SUPT3H: variants seen among roughly 807,000 people sequenced by gnomAD.
SUPT3H encodes transcription initiation protein SPT3 homolog.
Under a neutral mutation model 44.3 loss-of-function variants are expected in SUPT3H, and 44 were observed. The observed-to-expected ratio is 0.99, with a 90% confidence interval of 0.78 to 1.28. The LOEUF (loss-of-function observed/expected upper bound fraction) is 1.28, where lower values mean the gene tolerates loss of function less well. Ranked by LOEUF, SUPT3H falls within the 50% of genes most tolerant of loss-of-function variation. SUPT3H has a pLI of 0.00. For synonymous variants in SUPT3H, 124 were observed against 125.6 expected (o/e 0.99, Z 0.09); for missense variants, 380 against 387.1 (o/e 0.98, Z 0.15).
At chr6:44,819,491 T>TG (rs895203175) in intron 11 of SUPT3H, among the ~76,000 whole-genome samples, 50 of 147,326 alleles carry the variant, frequency 3.4e-4, no homozygotes, top group African/African-American at 1.2e-3. Context: ...TAAGCATTTT[T>TG]TTTTTTTTAA....
intron 2 of SUPT3H, among the ~76,000 whole-genome samples, chr6:45,288,825 GAAAA>G (rs1205262543): frequency 6.6e-6 from 1 of 151,662 alleles, no homozygotes; most frequent in Non-Finnish European, 1.5e-5. Context: ...TTAAAAGAAA[GAAAA>G]AGAGAGAACT....
intron 2 of SUPT3H, among the ~76,000 whole-genome samples, chr6:45,285,609 G>A (rs1405534888): frequency 6.6e-6 from 1 of 152,028 alleles, no homozygotes; most frequent in Non-Finnish European, 1.5e-5. Flanking sequence ...CAAACAAATG[G>A]AAGAACATTC....
chr6:44,930,092 A>G (rs1283618700), intron 10 of SUPT3H, among the ~76,000 whole-genome samples: 1 of 151,986 alleles, frequency 6.6e-6, no homozygotes, highest in Admixed American at 6.6e-5. Context: ...AAATTACAAA[A>G]ATTAGGCTGG....
rs549619387 is a variant in SUPT3H, at chr6:45,176,229, G to C, written c.102-70223C>G. Among the ~76,000 whole-genome samples the C allele has an allele frequency of 5.0e-4, 76 of 151,928 alleles. No homozygotes were observed. In the South Asian group the frequency reaches 5.2e-3, roughly 10 times the overall value. On this transcript the variant is annotated intron_variant, in intron 2 of 10. Transcript: ENST00000371459. ...GTCAGTGGGTGCGCGCACCGTGCGC[G>C]AGCCGAAGCAGGGCGAGGCATTGCC...
At chr6:44,928,232 A>T (rs1769844708) in intron 10 of SUPT3H, among the ~76,000 whole-genome samples, 1 of 152,172 alleles carries the variant, frequency 6.6e-6, no homozygotes, top group South Asian at 2.1e-4. Context: ...ATAAAAATGC[A>T]ATATAAGATG....
At chr6:45,348,826 C>T (rs1449425822) in intron 2 of SUPT3H, among the ~76,000 whole-genome samples, 3 of 152,232 alleles carry the variant, frequency 2.0e-5, no homozygotes, top group East Asian at 3.9e-4. Context: ...AAATTCCTAT[C>T]GATCCTTCAT....
chr6:45,122,163 C>G (rs574052905), intron 2 of SUPT3H, among the ~76,000 whole-genome samples: 1 of 152,140 alleles, frequency 6.6e-6, no homozygotes, highest in South Asian at 2.1e-4. Flanking sequence ...ACCTTTATTA[C>G]GCTGTAAAAT....
intron 11 of SUPT3H, among the ~76,000 whole-genome samples, chr6:44,810,601 T>A (rs1428866639): frequency 3.4e-5 from 5 of 145,416 alleles, no homozygotes; most frequent in African/African-American, 5.1e-5. Context: ...AGCCTTTTAC[T>A]AAAAAAAAAA....
chr6:45,345,359 C>T (rs1056835654), intron 2 of SUPT3H, among the ~76,000 whole-genome samples: 14 of 152,276 alleles, frequency 9.2e-5, no homozygotes, highest in Admixed American at 7.9e-4. Flanking sequence ...TGCATCTCTG[C>T]AGACTTTTAC....
intron 2 of SUPT3H, among the ~76,000 whole-genome samples, chr6:45,202,273 ACCT>A (rs1762557283): frequency 1.3e-5 from 2 of 152,008 alleles, no homozygotes; most frequent in South Asian, 4.1e-4. Flanking sequence ...TAATGATGAT[ACCT>A]TCCTTGGAAC....
chr6:44,939,672 C>A (rs1772085239), intron 9 of SUPT3H, among the ~76,000 whole-genome samples: 1 of 152,104 alleles, frequency 6.6e-6, no homozygotes, highest in Admixed American at 6.6e-5. Flanking sequence ...GGCTGTGAAT[C>A]CATCTGGTCC....
chr6:44,962,062 T>C (rs1453039947), intron 6 of SUPT3H, among the ~76,000 whole-genome samples: 2 of 152,160 alleles, frequency 1.3e-5, no homozygotes, highest in African/African-American at 2.4e-5. Flanking sequence ...TTATTGAAAC[T>C]AAAACTAAAG....
At chr6:45,075,817 AAGT>A (rs1794937539) in intron 3 of SUPT3H, among the ~76,000 whole-genome samples, 2 of 152,010 alleles carry the variant, frequency 1.3e-5, no homozygotes, top group Non-Finnish European at 2.9e-5. Flanking sequence ...AAAAAAAAAG[AAGT>A]CTTCTTCCTG....
intron 9 of SUPT3H, among the ~76,000 whole-genome samples, chr6:44,941,128 A>T (rs1163369856): frequency 1.3e-5 from 2 of 152,064 alleles, no homozygotes; most frequent in Non-Finnish European, 2.9e-5. Flanking sequence ...GTTGTTTGAT[A>T]AATTCTTTGT....
At chr6:45,316,580 A>G (rs1784738325) in intron 2 of SUPT3H, among the ~76,000 whole-genome samples, 1 of 152,186 alleles carries the variant, frequency 6.6e-6, no homozygotes, top group Non-Finnish European at 1.5e-5. Flanking sequence ...CAAATTCAGT[A>G]ATTCTGCAAG....
chr6:45,056,830 G>C (rs1252305269), intron 3 of SUPT3H, among the ~76,000 whole-genome samples: 1 of 151,896 alleles, frequency 6.6e-6, no homozygotes. Flanking sequence ...AACATTACAA[G>C]TTTCCCCCAA....
chr6:44,958,759 T>C (rs946948827), intron 7 of SUPT3H, among the ~76,000 whole-genome samples: 5 of 151,222 alleles, frequency 3.3e-5, no homozygotes, highest in African/African-American at 1.2e-4. Flanking sequence ...CATTTAAGTA[T>C]GGGGGCAAAA....
chr6:45,287,778 A>G (rs1008207637), intron 2 of SUPT3H, among the ~76,000 whole-genome samples: 6 of 152,206 alleles, frequency 3.9e-5, no homozygotes, highest in African/African-American at 1.4e-4. Flanking sequence ...TATCACTACA[A>G]TTTTGAAAAG....
intron 5 of SUPT3H, among the ~76,000 whole-genome samples, chr6:45,006,506 C>T (rs1168653101): frequency 2.0e-5 from 3 of 151,388 alleles, no homozygotes; most frequent in Non-Finnish European, 4.4e-5. Context: ...TAATGTTTAC[C>T]TCGCTCTTTT....
Sources: allele counts gnomAD v4.1 joint callset (sites outside exome capture counted in the v4.1 genomes callset), GRCh38; gene constraint gnomAD v4.1.1; transcripts MANE v1.5; gene names NCBI Gene and HGNC (gene_info 2026-07-23, HGNC 2026-07-21).